The following MACROD2 variants were observed in gnomAD, a reference collection of about 807,000 sequenced individuals.
MACROD2 encodes the protein ADP-ribose glycohydrolase MACROD2.
MACROD2 carries 36 observed loss-of-function variants against 70.4 expected under a neutral mutation model. The ratio of observed to expected loss-of-function variants is 0.51; its 90% CI spans 0.39 to 0.68. The LOEUF (loss-of-function observed/expected upper bound fraction) is 0.68. Among genes scored for constraint, MACROD2 ranks in the 30% least tolerant of loss-of-function variants. The probability of loss-of-function intolerance (pLI) is 0.00; values close to 1 mark genes in which losing one functional copy is unlikely to be tolerated. For synonymous variants in MACROD2, 172 were observed against 178.8 expected (o/e 0.96, Z 0.30); for missense variants, 496 against 538.4 (o/e 0.92, Z 0.78).
At chr20:15,711,453 G>C (rs967124956) in intron 8 of MACROD2, among the ~76,000 whole-genome samples, 1 of 152,192 alleles carries the variant, frequency 6.6e-6, no homozygotes, top group Non-Finnish European at 1.5e-5. Context: ...AGCCTTAACT[G>C]TCAGGTTAGC....
intron 5 of MACROD2, among the ~76,000 whole-genome samples, chr20:14,861,530 C>T (rs1362567513): frequency 6.6e-6 from 1 of 151,944 alleles, no homozygotes; most frequent in East Asian, 1.9e-4. Flanking sequence ...CTGATGCCTC[C>T]AATTAGAAGC....
chr20:15,090,209 A>ATG (rs2075782935), intron 5 of MACROD2, among the ~76,000 whole-genome samples: 1 of 60,932 alleles, frequency 1.6e-5, no homozygotes, highest in Non-Finnish European at 3.3e-5. Context: ...AAATGTACAT[A>ATG]TATATATATA....
chr20:14,961,028 C>G (rs962414300), intron 5 of MACROD2, among the ~76,000 whole-genome samples: 1 of 152,066 alleles, frequency 6.6e-6, no homozygotes, highest in African/African-American at 2.4e-5. Context: ...TCTTTATGTG[C>G]TAAGGATAAA....
chr20:15,423,191 G>C (rs76546547), intron 6 of MACROD2, among the ~76,000 whole-genome samples: 21 of 152,206 alleles, frequency 1.4e-4, no homozygotes, highest in Admixed American at 3.3e-4. Flanking sequence ...TGCTTACATG[G>C]CTATGGGTTG....
At chr20:15,789,527 T>G (rs2063606106) in intron 8 of MACROD2, among the ~76,000 whole-genome samples, 1 of 152,020 alleles carries the variant, frequency 6.6e-6, no homozygotes, top group Non-Finnish European at 1.5e-5. Context: ...TAAAATGAGT[T>G]CCCAAAAATG....
chr20:15,266,246 AATT>A (rs1345985869), intron 6 of MACROD2, among the ~76,000 whole-genome samples: 1 of 152,178 alleles, frequency 6.6e-6, no homozygotes, highest in Non-Finnish European at 1.5e-5. Flanking sequence ...TTGCAGCTAT[AATT>A]ATTATTAGTT....
At chr20:15,316,068 A>C (rs1447959553) in intron 6 of MACROD2, among the ~76,000 whole-genome samples, 2 of 151,902 alleles carry the variant, frequency 1.3e-5, no homozygotes, top group Non-Finnish European at 2.9e-5. Flanking sequence ...AAAACACACA[A>C]AAAGAAATAA....
intron 8 of MACROD2, among the ~76,000 whole-genome samples, chr20:15,748,516 A>T (rs2051219576): frequency 2.0e-5 from 3 of 151,990 alleles, no homozygotes; most frequent in African/African-American, 7.3e-5. Flanking sequence ...CCTTCTTTCA[A>T]AATGTAGCGT....
intron 4 of MACROD2, among the ~76,000 whole-genome samples, chr20:14,536,293 C>T (rs2085362785): frequency 6.6e-6 from 1 of 152,156 alleles, no homozygotes; most frequent in African/African-American, 2.4e-5. Context: ...GACTAGCCAA[C>T]ACTTTGAACT....
chr20:14,752,314 TA>T (rs774468851), intron 5 of MACROD2, among the ~76,000 whole-genome samples: 43 of 152,096 alleles, frequency 2.8e-4, no homozygotes, highest in Non-Finnish European at 5.4e-4. Flanking sequence ...TTCCCTCTTG[TA>T]CCCCCAGACT....
At position 14,326,840 on chromosome 20, in the gene MACROD2, T is replaced by G. The variant is rs749996521; in HGVS notation, c.272-166639T>G. 7 of 1,613,738 alleles carry G rather than the reference T, an allele frequency of 4.3e-6. No individual in the cohort carries two copies. The South Asian group carries it at 5.5e-5, about 13-fold the overall frequency. The stretch of plus-strand genomic sequence containing the variant: ...GACAGCTCTGTCAAATTAACTAGGT[T>G]GAAGAAAACTTTGTCACCTAAACCA... On this transcript the variant is annotated intron_variant, in intron 3 of 17. Transcript: ENST00000684519. This position sits in a 1 kb window ranked among gnomAD's most constrained non-coding sequence, Gnocchi z 5.5.
chr20:14,987,632 A>C (rs2074861381), intron 5 of MACROD2, among the ~76,000 whole-genome samples: 1 of 152,162 alleles, frequency 6.6e-6, no homozygotes, highest in Non-Finnish European at 1.5e-5. Flanking sequence ...TCTAAAGGAG[A>C]TGATGCTGTG....
At chr20:14,989,289 T>G (rs1349857814) in intron 5 of MACROD2, among the ~76,000 whole-genome samples, 1 of 152,172 alleles carries the variant, frequency 6.6e-6, no homozygotes. Context: ...GGTGTTGATT[T>G]GGATCTGATT....
intron 5 of MACROD2, among the ~76,000 whole-genome samples, chr20:14,951,495 G>C (rs1475146904): frequency 6.6e-6 from 1 of 152,126 alleles, no homozygotes; most frequent in Non-Finnish European, 1.5e-5. Flanking sequence ...TGCTGTGCTT[G>C]ATTAATAATG....
intron 8 of MACROD2, among the ~76,000 whole-genome samples, chr20:15,670,279 G>T (rs1034425898): frequency 3.0e-4 from 45 of 152,258 alleles, no homozygotes; most frequent in Non-Finnish European, 5.6e-4. Flanking sequence ...AGCCAAGAAG[G>T]TTCTGGCTGG....
chr20:14,345,754 A>T (rs2083057318), intron 3 of MACROD2, among the ~76,000 whole-genome samples: 1 of 150,902 alleles, frequency 6.6e-6, no homozygotes, highest in Admixed American at 6.6e-5. Flanking sequence ...CTATAAGGAC[A>T]ACAAGTTGTT....
chr20:14,924,753 A>G (rs1361860878), intron 5 of MACROD2, among the ~76,000 whole-genome samples: 1 of 152,148 alleles, frequency 6.6e-6, no homozygotes, highest in Non-Finnish European at 1.5e-5. Context: ...GGACTGTGAA[A>G]TCTGAGAGCA....
At chr20:14,440,123 C>A (rs970908427) in intron 3 of MACROD2, among the ~76,000 whole-genome samples, 1 of 152,136 alleles carries the variant, frequency 6.6e-6, no homozygotes, top group East Asian at 1.9e-4. Flanking sequence ...GCTTTAGCAG[C>A]AAACTCCCTG....
intron 3 of MACROD2, among the ~76,000 whole-genome samples, chr20:14,195,613 G>T (rs144510885): frequency 2.6e-5 from 4 of 151,888 alleles, no homozygotes; most frequent in Non-Finnish European, 4.4e-5. Context: ...ACACACAAGC[G>T]ACTGGACATC....
Sources: allele counts gnomAD v4.1 joint callset (sites outside exome capture counted in the v4.1 genomes callset), GRCh38; gene constraint gnomAD v4.1.1; non-coding constraint Gnocchi (gnomAD v3.1); transcripts MANE v1.5; gene names NCBI Gene and HGNC (gene_info 2026-07-23, HGNC 2026-07-21).